Variants in EFL1 observed in about 807,000 individuals in gnomAD.
EFL1 encodes elongation factor like GTPase 1.
A neutral mutation model predicts 126.7 loss-of-function variants in EFL1; 76 were observed. That is an observed-to-expected ratio of 0.60 (90% CI 0.50 to 0.73). The LOEUF is 0.73. Among genes scored for constraint, EFL1 ranks in the 30% least tolerant of loss-of-function variants. The pLI, the probability that EFL1 is intolerant of heterozygous loss-of-function variation, is 0.00. For synonymous variants in EFL1, 410 were observed against 448.4 expected (o/e 0.91, Z 1.08); for missense variants, 1,128 against 1,343.2 (o/e 0.84, Z 2.50).
At chr15:82,209,781 T>C (rs770954592) in intron 15 of EFL1, among the ~76,000 whole-genome samples, 1 of 152,258 alleles carries the variant, frequency 6.6e-6, no homozygotes, top group Non-Finnish European at 1.5e-5. Context: ...ATTCTACACT[T>C]ATCGGCACAC....
At chr15:82,203,535 C>T (rs564731458) in intron 15 of EFL1, among the ~76,000 whole-genome samples, 7 of 151,916 alleles carry the variant, frequency 4.6e-5, no homozygotes, top group African/African-American at 1.2e-4. Flanking sequence ...CCACCACGCC[C>T]GGCAAATTTT....
At chr15:82,235,627 G>A (rs1190126861) in intron 7 of EFL1, among the ~76,000 whole-genome samples, 1 of 151,902 alleles carries the variant, frequency 6.6e-6, no homozygotes, top group African/African-American at 2.4e-5. Flanking sequence ...TACAGAAAAG[G>A]TATGTGACAA....
At chr15:82,244,762 A>C (rs1042085868) in intron 4 of EFL1, among the ~76,000 whole-genome samples, 1 of 152,182 alleles carries the variant, frequency 6.6e-6, no homozygotes, top group Non-Finnish European at 1.5e-5. Context: ...CAGAAGGTGC[A>C]CATTTGTCAC....
intron 12 of EFL1, among the ~76,000 whole-genome samples, chr15:82,222,331 A>G (rs1216217798): frequency 1.3e-5 from 2 of 152,252 alleles, no homozygotes; most frequent in Admixed American, 6.5e-5. Context: ...CATAATTCAA[A>G]TCCAGATCTG....
intron 4 of EFL1, among the ~76,000 whole-genome samples, chr15:82,245,940 A>G (rs1418769487): frequency 3.9e-5 from 6 of 151,926 alleles, no homozygotes; most frequent in Non-Finnish European, 7.4e-5. Context: ...TCTTAAAAAA[A>G]AAAAAAAAGT....
At chr15:82,179,488 G>C (rs1232175487) in intron 15 of EFL1, among the ~76,000 whole-genome samples, 4 of 152,114 alleles carry the variant, frequency 2.6e-5, no homozygotes, top group South Asian at 2.1e-4. Flanking sequence ...AGGGTAGCAT[G>C]GGGAAAGGCT....
rs1220709800 is a variant in EFL1 at position 82,151,738 on chromosome 15, C to T, written c.2716G>A (p.Gly906Arg). ...CCCTCTTTTGCCAGATCACTTGCTC[C>T]TTGTTCCTCAAATTTACTTAGGTCC... ...KWDLSKFEEQ[G>R]ASDLAKEGQE... Residue 906 changes from glycine to arginine, a missense_variant, in exon 18 of 20, where the codon GGA (glycine) becomes AGA (arginine). Transcript: ENST00000268206. The T allele has an allele frequency of 6.2e-7, 1 of 1,614,160 alleles. No individual in the cohort carries two copies. The highest frequency in any genetic ancestry group is 8.5e-7 in the Non-Finnish European group (1 of 1,180,044).
intron 15 of EFL1, among the ~76,000 whole-genome samples, chr15:82,181,252 C>T (rs8027661): frequency 0.19 from 29,470 of 152,024 alleles, 3,095 homozygotes; most frequent in South Asian, 0.39. Flanking sequence ...TGACAAAATG[C>T]TCTCCAGATG....
intron 15 of EFL1, among the ~76,000 whole-genome samples, chr15:82,197,170 G>A (rs753432102): frequency 1.3e-5 from 2 of 152,112 alleles, no homozygotes; most frequent in Admixed American, 6.5e-5. Context: ...AAGGCTTGTG[G>A]TTTTGAAGAA....
chr15:82,219,954 A>G, intron 13 of EFL1, 124 bp downstream of exon 13: 2 of 1,487,368 alleles, frequency 1.3e-6, no homozygotes, highest in Non-Finnish European at 1.8e-6. Context: ...CAAAACAAGA[A>G]TGGAAAGAAT....
chr15:82,186,866 A>C (rs1024608187), intron 15 of EFL1, among the ~76,000 whole-genome samples: 2 of 152,158 alleles, frequency 1.3e-5, no homozygotes, highest in African/African-American at 2.4e-5. Context: ...TCTAAATTGC[A>C]GGTCCCCTGG....
intron 19 of EFL1, among the ~76,000 whole-genome samples, chr15:82,132,358 A>T (rs1269161518): frequency 6.6e-6 from 1 of 152,070 alleles, no homozygotes; most frequent in Non-Finnish European, 1.5e-5. Flanking sequence ...AGTGCTAAGG[A>T]GCCTCAGTGT....
chr15:82,227,673 A>G, intron 10 of EFL1, 101 bp from the exon 11 acceptor site: 1 of 1,513,902 alleles, frequency 6.6e-7, no homozygotes, highest in Non-Finnish European at 9.0e-7. Flanking sequence ...AAGTCTGTCC[A>G]TACAGAAAAT....
At position 82,152,397 on chromosome 15, in the gene EFL1, G is replaced by C. The variant is rs201252731; in HGVS notation, c.2057C>G (p.Ser686Cys). 1.2e-6 allele frequency: 2 copies of C among 1,610,656 alleles called. No homozygotes were observed. Among genetic ancestry groups the C allele is most frequent in the Non-Finnish European group, 1.7e-6 (2 of 1,179,464 alleles). The change falls in exon 18 of 20, where the codon TCT (serine) becomes TGT (cysteine). Residue 686 changes from serine (S) to cysteine (C), a missense_variant. Physicochemically the swap from Ser to Cys is moderately radical, Grantham distance 112. Coordinates refer to ENST00000268206, the MANE Select transcript of EFL1 (RefSeq NM_024580.6). ...TTCTCTGAATGGAATAATAGGTTCA[G>C]ATACACTGATATGAATCTTTGCAAA... ...ERFAKIHISVSEPIIPFRETI... is the reference protein window; with the variant it reads ...ERFAKIHISVCEPIIPFRETI...
chr15:82,202,211 C>A lies in EFL1; in HGVS notation c.1750+12506G>T, dbSNP rs367822746. Reference sequence around the variant, plus strand: ...TTTCTTTTCTACATATATTGCTGGACGACGTCTTTCAGATCAACTTCACTA... The same window carrying A: ...TTTCTTTTCTACATATATTGCTGGAAGACGTCTTTCAGATCAACTTCACTA... On this transcript the variant is annotated intron_variant, in intron 15 of 19. Transcript: ENST00000268206. 1.7e-3 allele frequency among the ~76,000 whole-genome samples: 266 copies of A among 152,200 alleles called. 1 individual carries two copies. Among genetic ancestry groups the A allele is most frequent in the Non-Finnish European group, 2.8e-3 (191 of 68,010 alleles).
At chr15:82,196,630 G>A (rs926153714) in intron 15 of EFL1, among the ~76,000 whole-genome samples, 9 of 152,184 alleles carry the variant, frequency 5.9e-5, no homozygotes, top group African/African-American at 2.2e-4. Context: ...TTTGTTTCAA[G>A]GCTTAAGTAA....
chr15:82,178,313 C>T (rs989308809), intron 15 of EFL1, among the ~76,000 whole-genome samples: 23 of 152,170 alleles, frequency 1.5e-4, no homozygotes, highest in African/African-American at 3.6e-4. Flanking sequence ...CCAGTTCATA[C>T]GGGGCCTTAT....
Position 82,196,697 on chromosome 15 carries a change from C to T in EFL1, c.1750+18020G>A, listed in dbSNP as rs138170635. ...TGGCATGCAGTTGGTACTAAATAAA[C>T]GTTGGTTAAATCTAATTTGATATAT... On this transcript the variant is annotated intron_variant, in intron 15 of 19. Coordinates refer to ENST00000268206, the MANE Select transcript of EFL1 (RefSeq NM_024580.6). Among the ~76,000 whole-genome samples, 97 of 152,300 alleles carry T rather than the reference C, an allele frequency of 6.4e-4. 1 individual carries two copies. In the East Asian group the frequency reaches 0.018, roughly 28 times the overall value.
chr15:82,195,588 G>C (rs1356518240), intron 15 of EFL1, among the ~76,000 whole-genome samples: 1 of 152,174 alleles, frequency 6.6e-6, no homozygotes, highest in Non-Finnish European at 1.5e-5. Context: ...GTGATTTGCT[G>C]TCCCTCAAGT....
Sources: gnomAD v4.1 joint callset for allele counts (sites outside exome capture counted in the v4.1 genomes callset) on GRCh38, gnomAD v4.1.1 for gene constraint, MANE v1.5 for transcripts, NCBI Gene and HGNC (gene_info 2026-07-23, HGNC 2026-07-21) for gene names.